Variants in TENM3 observed in about 807,000 individuals in gnomAD.
The protein encoded by TENM3 is teneurin-3.
Under a neutral mutation model 255.1 loss-of-function variants are expected in TENM3, and 63 were observed. The ratio of observed to expected loss-of-function variants is 0.25; its 90% CI spans 0.20 to 0.30. The LOEUF (loss-of-function observed/expected upper bound fraction) is 0.30. Ranked by LOEUF, TENM3 falls within the 10% of genes least tolerant of loss-of-function variation. The probability of loss-of-function intolerance (pLI) is 1.00; values close to 1 mark genes in which losing one functional copy is unlikely to be tolerated. For synonymous variants in TENM3, 1,306 were observed against 1,322.3 expected (o/e 0.99, Z 0.27); for missense variants, 2,929 against 3,461.1 (o/e 0.85, Z 3.86).
chr4:181,714,686 G>A, the TENM3 span, among the ~76,000 whole-genome samples: 1 of 152,184 alleles, frequency 6.6e-6, no homozygotes, highest in South Asian at 2.1e-4. Context: ...CTGTTAAAAT[G>A]TGGATGTGAT....
chr4:181,977,083 G>A, the TENM3 span, among the ~76,000 whole-genome samples: 43 of 152,172 alleles, frequency 2.8e-4, no homozygotes, highest in Non-Finnish European at 3.1e-4. Flanking sequence ...TTAGCAGCAT[G>A]AGCTGGACCG....
intron 3 of TENM3, among the ~76,000 whole-genome samples, chr4:182,576,910 G>A (rs759561199): frequency 5.3e-5 from 8 of 152,100 alleles, no homozygotes; most frequent in African/African-American, 9.7e-5. Context: ...ATGCCGAAGC[G>A]GAACAAGGCA....
chr4:181,613,353 G>T, the TENM3 span, among the ~76,000 whole-genome samples: 7,522 of 152,270 alleles, frequency 0.049, 299 homozygotes, highest in African/African-American at 0.1. Context: ...GCTGGTGGGA[G>T]CAGAGCCCAG....
At chr4:182,370,447 G>A (rs1766727324) in intron 3 of TENM3, among the ~76,000 whole-genome samples, 1 of 152,092 alleles carries the variant, frequency 6.6e-6, no homozygotes, top group Non-Finnish European at 1.5e-5. Flanking sequence ...CTAGCAAGCA[G>A]GTCCTATATT....
intron 1 of TENM3, among the ~76,000 whole-genome samples, chr4:182,261,091 GT>G (rs527407177): frequency 0.022 from 3,331 of 152,182 alleles, 68 homozygotes; most frequent in South Asian, 0.03. Context: ...GGCCAGGATG[GT>G]CTCAATCTCT....
chr4:181,840,089 T>C, the TENM3 span, among the ~76,000 whole-genome samples: 3 of 152,042 alleles, frequency 2.0e-5, no homozygotes, highest in African/African-American at 7.2e-5. Flanking sequence ...TTTATTGCCT[T>C]TTGTCTCAGG....
the TENM3 span, among the ~76,000 whole-genome samples, chr4:181,784,177 C>G: frequency 6.6e-6 from 1 of 151,198 alleles, no homozygotes; most frequent in Non-Finnish European, 1.5e-5. Flanking sequence ...TTTTTAACCG[C>G]TAAGTGAATT....
chr4:181,889,225 A>T, the TENM3 span, among the ~76,000 whole-genome samples: 2 of 152,076 alleles, frequency 1.3e-5, no homozygotes, highest in African/African-American at 4.8e-5. Flanking sequence ...GCTTAGCACC[A>T]TCCTCGTGGT....
At chr4:182,605,277 G>GACTA (rs1201402016) in intron 4 of TENM3, among the ~76,000 whole-genome samples, 4 of 152,166 alleles carry the variant, frequency 2.6e-5, no homozygotes, top group African/African-American at 9.7e-5. Flanking sequence ...GTAGCTCGAT[G>GACTA]ACTAAGGTTG....
the TENM3 span, among the ~76,000 whole-genome samples, chr4:181,811,699 TA>T: frequency 1.3e-5 from 2 of 152,182 alleles, no homozygotes; most frequent in Admixed American, 1.3e-4. Flanking sequence ...CTCCTACTTA[TA>T]AAACCATCAG....
chr4:182,730,314 C>A lies in TENM3; in HGVS notation c.2700C>A (p.Asp900Glu), dbSNP rs529748049. The A allele has an allele frequency of 1.9e-6, 3 of 1,613,348 alleles. No individual in the cohort carries two copies. The South Asian group carries it at 3.3e-5, about 18-fold the overall frequency. The change falls in exon 15 of 28, where the codon GAC becomes GAA. Residue 900 changes from aspartate (D) to glutamate (E), a missense_variant. Physicochemically the swap from Asp to Glu is conservative, Grantham distance 45. Around this residue, in one of 6 missense-constraint regions of TENM3, gnomAD observed 1,608 missense variants for 1,884.4 expected, o/e 0.85. Transcript: ENST00000511685. ...PEYGYTITRQ[D>E]GMFDLVANGG... Reference sequence around the variant, plus strand: ...ATGGATATACTATTACCCGCCAGGACGGAATGTGAGTTAGTCCCATCACAC... The same window carrying A: ...ATGGATATACTATTACCCGCCAGGAAGGAATGTGAGTTAGTCCCATCACAC...
At position 182,560,799 on chromosome 4, in the gene TENM3, G is replaced by A. The variant is rs1040462393; in HGVS notation, c.512-40125G>A. On this transcript the variant is annotated intron_variant, in intron 3 of 27. Transcript: ENST00000511685. ...GATCCTGCTTGAATGAAAGAGAAGGGGAAAAGAAAATACTAAATAACAATA... is the reference window on the plus strand; with the variant it reads ...GATCCTGCTTGAATGAAAGAGAAGGAGAAAAGAAAATACTAAATAACAATA... Among the ~76,000 whole-genome samples, 15 of 152,076 alleles carry A rather than the reference G, an allele frequency of 9.9e-5. No individual in the cohort carries two copies. The South Asian group carries it at 2.9e-3, about 29-fold the overall frequency.
the TENM3 span, among the ~76,000 whole-genome samples, chr4:181,753,211 T>A: frequency 6.6e-6 from 1 of 152,190 alleles, no homozygotes; most frequent in African/African-American, 2.4e-5. Context: ...TTCAGCAAAC[T>A]CTAGGTCAGG....
the TENM3 span, among the ~76,000 whole-genome samples, chr4:181,796,028 T>C: frequency 1.3e-5 from 2 of 152,164 alleles, no homozygotes; most frequent in African/African-American, 2.4e-5. Flanking sequence ...TATCTGAGTA[T>C]TTGGCAATTG....
chr4:182,114,621 A>AT, the TENM3 span, among the ~76,000 whole-genome samples: 1 of 152,132 alleles, frequency 6.6e-6, no homozygotes, highest in Admixed American at 6.6e-5. Flanking sequence ...ATTAAAATGC[A>AT]TAAGTAATAA....
At chr4:182,267,243 A>T (rs1759300845) in intron 1 of TENM3, among the ~76,000 whole-genome samples, 1 of 152,192 alleles carries the variant, frequency 6.6e-6, no homozygotes, top group African/African-American at 2.4e-5. Context: ...TATGAACAAA[A>T]TTTAAGGCAT....
At chr4:182,616,584 A>G (rs1749556460) in intron 4 of TENM3, among the ~76,000 whole-genome samples, 1 of 141,332 alleles carries the variant, frequency 7.1e-6, no homozygotes, top group South Asian at 2.3e-4. Context: ...TGAAAAAAAA[A>G]AAAAAAAAGA....
chr4:181,523,685 C>T, the TENM3 span, among the ~76,000 whole-genome samples: 1 of 152,180 alleles, frequency 6.6e-6, no homozygotes, highest in South Asian at 2.1e-4. Flanking sequence ...GATAAACTGG[C>T]ATCCAAATGT....
the TENM3 span, among the ~76,000 whole-genome samples, chr4:181,636,320 G>A: frequency 6.6e-6 from 1 of 152,140 alleles, no homozygotes; most frequent in African/African-American, 2.4e-5. Flanking sequence ...TGGGATTACA[G>A]GTGTGAGCCA....
Sources: gnomAD v4.1 joint callset for allele counts (sites outside exome capture counted in the v4.1 genomes callset) on GRCh38, gnomAD v4.1.1 for gene constraint, gnomAD v4.1.1 regional missense constraint, MANE v1.5 for transcripts, NCBI Gene and HGNC (gene_info 2026-07-23, HGNC 2026-07-21) for gene names.